Variants in RANBP2 observed in about 807,000 individuals in gnomAD.
The protein encoded by RANBP2 is E3 SUMO-protein ligase RanBP2.
A neutral mutation model predicts 303.6 loss-of-function variants in RANBP2; 57 were observed. The observed-to-expected ratio is 0.19, with a 90% CI of 0.15 to 0.23. The LOEUF (loss-of-function observed/expected upper bound fraction) is 0.23. Ranked by LOEUF, RANBP2 falls within the 10% of genes least tolerant of loss-of-function variation. The probability of loss-of-function intolerance (pLI) is 1.00; values close to 1 mark genes in which losing one functional copy is unlikely to be tolerated. For missense variants in RANBP2, 3,138 were observed against 3,780.8 expected (o/e 0.83, Z 4.46); for synonymous variants, 1,167 against 1,301.5 (o/e 0.90, Z 2.23).
At chr2:109,221,723 C>T in the RANBP2 span, among the ~76,000 whole-genome samples, 7 of 151,636 alleles carry the variant, frequency 4.6e-5, no homozygotes, top group East Asian at 1.9e-4. Flanking sequence ...GGATTAAGGA[C>T]GTGGAGAAAA....
chr2:108,849,095 A>G, the RANBP2 span, among the ~76,000 whole-genome samples: 5 of 152,220 alleles, frequency 3.3e-5, no homozygotes, highest in Non-Finnish European at 7.3e-5. Context: ...ATTTAAAAAT[A>G]CACTGGAGAG....
chr2:109,061,442 T>C, the RANBP2 span, among the ~76,000 whole-genome samples: 2 of 152,162 alleles, frequency 1.3e-5, no homozygotes, highest in Admixed American at 1.3e-4. Flanking sequence ...TTTGGGTCTG[T>C]GTGTGCTTGC....
the RANBP2 span, among the ~76,000 whole-genome samples, chr2:109,446,349 C>T: frequency 6.6e-6 from 1 of 152,150 alleles, no homozygotes; most frequent in Non-Finnish European, 1.5e-5. Flanking sequence ...CCATTGCGGG[C>T]GTTATCGTGA....
At chr2:109,372,669 C>T in the RANBP2 span, among the ~76,000 whole-genome samples, 9 of 152,366 alleles carry the variant, frequency 5.9e-5, no homozygotes, top group Non-Finnish European at 1.2e-4. Context: ...CAGCGCGGGC[C>T]TCTTGGCCCT....
In RANBP2 at chr2:108,763,622, C is replaced by A. The variant is rs774015472; in HGVS notation, c.3083C>A (p.Pro1028Gln). Reference protein sequence around the residue: ...SLPTQAHTTQPTPFKFNSNFK... With the variant: ...SLPTQAHTTQQTPFKFNSNFK... ...CCAACACAAGCACACACAACACAGC[C>A]AACTCCTTTTAAATTTAACTCAAAT... The change falls in exon 20 of 29, where the codon CCA becomes CAA. Residue 1028 changes from proline to glutamine, a missense_variant. Pro to Gln is a moderately conservative substitution (Grantham distance 76, BLOSUM62 -1). This residue lies in a region of RANBP2 where 403 missense variants were observed against 376.7 expected (regional missense o/e 1.07). Coordinates refer to ENST00000283195, the MANE Select transcript of RANBP2 (RefSeq NM_006267.5). The A allele has an allele frequency of 1.2e-6, 2 of 1,614,122 alleles. No homozygotes were observed. Among genetic ancestry groups the A allele is most frequent in the African/African-American group, 1.3e-5 (1 of 75,024 alleles).
At chr2:109,517,938 C>T in the RANBP2 span, among the ~76,000 whole-genome samples, 2 of 152,192 alleles carry the variant, frequency 1.3e-5, no homozygotes, top group Admixed American at 6.5e-5. Flanking sequence ...GGTATGCCCC[C>T]GATGGGAGCT....
At chr2:108,947,531 T>A in the RANBP2 span, among the ~76,000 whole-genome samples, 1 of 152,304 alleles carries the variant, frequency 6.6e-6, no homozygotes, top group East Asian at 1.9e-4. Context: ...GGCATTTTCA[T>A]ACATACTCTG....
At chr2:108,873,475 C>G in the RANBP2 span, 2 of 1,602,856 alleles carry the variant, frequency 1.2e-6, no homozygotes, top group Non-Finnish European at 1.7e-6. Context: ...TTCCTGGAAG[C>G]CTGTAGCAAC....
the RANBP2 span, among the ~76,000 whole-genome samples, chr2:109,224,350 G>A: frequency 6.6e-5 from 10 of 152,296 alleles, no homozygotes; most frequent in African/African-American, 2.2e-4. Flanking sequence ...TTTCAGATAC[G>A]CATGTGGGAT....
the RANBP2 span, among the ~76,000 whole-genome samples, chr2:109,526,136 T>C: frequency 0.047 from 7,126 of 152,110 alleles, 568 homozygotes; most frequent in African/African-American, 0.16. Context: ...CCTTATGTCT[T>C]TTCACAGATG....
the RANBP2 span, among the ~76,000 whole-genome samples, chr2:109,318,208 C>T: frequency 6.6e-6 from 1 of 151,890 alleles, no homozygotes; most frequent in South Asian, 2.1e-4. Flanking sequence ...TTGGCAAATG[C>T]CGAGATTGTA....
chr2:109,626,314 T>C, the RANBP2 span, among the ~76,000 whole-genome samples: 1 of 152,108 alleles, frequency 6.6e-6, no homozygotes, highest in South Asian at 2.1e-4. Flanking sequence ...ACCCCATCTC[T>C]ACTGAAAATA....
the RANBP2 span, among the ~76,000 whole-genome samples, chr2:109,766,655 C>A: frequency 2.0e-5 from 3 of 148,878 alleles, no homozygotes; most frequent in Admixed American, 6.9e-5. Flanking sequence ...TAATCAATGA[C>A]ACTTGAGCAA....
the RANBP2 span, among the ~76,000 whole-genome samples, chr2:109,096,203 A>T: frequency 6.6e-6 from 1 of 152,334 alleles, no homozygotes; most frequent in East Asian, 1.9e-4. Context: ...GTCCAAAAAG[A>T]CATTAGGCTT....
the RANBP2 span, among the ~76,000 whole-genome samples, chr2:109,506,633 G>A: frequency 5.3e-5 from 8 of 152,194 alleles, no homozygotes; most frequent in African/African-American, 1.7e-4. Flanking sequence ...AACAGCCCCC[G>A]AAGTGTGGTT....
chr2:109,419,719 G>A, the RANBP2 span: 1 of 1,379,066 alleles, frequency 7.3e-7, no homozygotes, highest in Non-Finnish European at 9.9e-7. Context: ...GTCCACGTGT[G>A]GTTTCCGCAG....
intron 7 of RANBP2, among the ~76,000 whole-genome samples, chr2:108,743,510 T>C (rs951099661): frequency 6.6e-6 from 1 of 151,968 alleles, no homozygotes; most frequent in African/African-American, 2.4e-5. Flanking sequence ...AACTCCTGGC[T>C]TCAAGTGATC....
At chr2:109,474,612 G>A in the RANBP2 span, among the ~76,000 whole-genome samples, 1,612 of 152,322 alleles carry the variant, frequency 0.011, 34 homozygotes, top group African/African-American at 0.037. Context: ...GTTTGGGCAG[G>A]GGGGGAGAAC....
chr2:108,962,646 GCCTGGGCGACAGAGCGAGACTCTGTCTC>G, the RANBP2 span, among the ~76,000 whole-genome samples: 42 of 129,498 alleles, frequency 3.2e-4, no homozygotes, highest in African/African-American at 1.2e-3. Context: ...CTGCCCTCCA[GCCTGGGCGACAGAGCGAGACTCTGTCTC>G]AAAAAAAAAA....
Sources: gnomAD v4.1 joint callset for allele counts (sites outside exome capture counted in the v4.1 genomes callset) on GRCh38, gnomAD v4.1.1 for gene constraint, gnomAD v4.1.1 regional missense constraint, MANE v1.5 for transcripts, NCBI Gene and HGNC (gene_info 2026-07-23, HGNC 2026-07-21) for gene names.